CLSTN2: variants seen among roughly 807,000 people sequenced by gnomAD.
CLSTN2 encodes calsyntenin 2, also known as calsyntenin-2.
Under a neutral mutation model 101.2 loss-of-function variants are expected in CLSTN2, and 48 were observed. That is an observed-to-expected ratio of 0.47 (90% CI 0.38 to 0.60). The LOEUF is 0.60. CLSTN2 is among the 20% of genes least tolerant of loss of function. The pLI is 0.00. For synonymous variants in CLSTN2, 481 were observed against 463.6 expected (o/e 1.04, Z -0.48); for missense variants, 1,160 against 1,238.2 (o/e 0.94, Z 0.95).
At chr3:140,011,813 A>G (rs2007079997) in intron 1 of CLSTN2, among the ~76,000 whole-genome samples, 1 of 151,802 alleles carries the variant, frequency 6.6e-6, no homozygotes, top group Admixed American at 6.6e-5. Flanking sequence ...GGGGGATTGA[A>G]TTGCTGACAC....
chr3:140,013,868 T>C (rs2007140257), intron 1 of CLSTN2, among the ~76,000 whole-genome samples: 1 of 151,724 alleles, frequency 6.6e-6, no homozygotes, highest in Non-Finnish European at 1.5e-5. Context: ...TTAAGCCTTC[T>C]TTTAACTGAA....
At chr3:140,513,951 T>C (rs1482658169) in intron 8 of CLSTN2, among the ~76,000 whole-genome samples, 1 of 152,242 alleles carries the variant, frequency 6.6e-6, no homozygotes, top group East Asian at 1.9e-4. Flanking sequence ...ATTCCACTTA[T>C]CATTTCTGAT....
At chr3:140,365,451 A>C (rs933617285) in intron 2 of CLSTN2, among the ~76,000 whole-genome samples, 1 of 152,338 alleles carries the variant, frequency 6.6e-6, no homozygotes, top group East Asian at 1.9e-4. Context: ...AATGTGACTT[A>C]CGCAGAGTTT....
intron 1 of CLSTN2, among the ~76,000 whole-genome samples, chr3:140,169,706 T>C (rs1315110376): frequency 1.3e-5 from 2 of 152,218 alleles, no homozygotes; most frequent in Admixed American, 1.3e-4. Context: ...ACTTTTTTTC[T>C]CATTTTATCT....
chr3:140,239,009 C>A (rs2086438444), intron 2 of CLSTN2, among the ~76,000 whole-genome samples: 5 of 152,218 alleles, frequency 3.3e-5, no homozygotes, highest in Admixed American at 3.3e-4. Flanking sequence ...GAGGAAAATA[C>A]AAGTGACACA....
intron 1 of CLSTN2, among the ~76,000 whole-genome samples, chr3:140,050,072 T>A (rs1030448318): frequency 4.6e-5 from 7 of 152,210 alleles, no homozygotes; most frequent in Admixed American, 3.9e-4. Flanking sequence ...TCTCAGAGTA[T>A]CAAGGATTAC....
chr3:140,295,523 G>A (rs2086994529), intron 2 of CLSTN2, among the ~76,000 whole-genome samples: 1 of 152,028 alleles, frequency 6.6e-6, no homozygotes, highest in African/African-American at 2.4e-5. Context: ...TGATCCATCT[G>A]AAATTTATTT....
At chr3:140,334,278 A>G (rs1480984310) in intron 2 of CLSTN2, among the ~76,000 whole-genome samples, 1 of 152,218 alleles carries the variant, frequency 6.6e-6, no homozygotes, top group Non-Finnish European at 1.5e-5. Context: ...AAAGCTTTCT[A>G]GATAAGAAAA....
At chr3:140,473,675 C>T (rs1042911994) in intron 8 of CLSTN2, among the ~76,000 whole-genome samples, 5 of 152,014 alleles carry the variant, frequency 3.3e-5, no homozygotes, top group Admixed American at 1.3e-4. Flanking sequence ...CCATTTTAGT[C>T]CAGTGACATT....
In CLSTN2 at chr3:140,459,568, A is replaced by G. The variant is rs142253668; in HGVS notation, c.1021A>G (p.Thr341Ala). The G allele has an allele frequency of 1.4e-4, 218 of 1,613,962 alleles. 1 individual carries two copies. The highest frequency in any genetic ancestry group is 2.2e-5 in the Non-Finnish European group (26 of 1,179,990). The change falls in exon 7 of 17, where the codon ACC becomes GCC. Residue 341 changes from threonine to alanine, a missense_variant. Coordinates refer to ENST00000458420, the MANE Select transcript of CLSTN2 (RefSeq NM_022131.3). ...CCTCTTGCCATCCCCTAGCGCTGCC[A>G]CCAACTGGACTGCAGGACTGCTGGT... ...IDLLPSPSAA[T>A]NWTAGLLVDS...
At chr3:140,389,143 C>CTACTT (rs1322977558) in intron 2 of CLSTN2, among the ~76,000 whole-genome samples, 1 of 1,546 alleles carries the variant, frequency 6.5e-4, no homozygotes, top group African/African-American at 2.6e-3. Flanking sequence ...AATTTTCTTT[C>CTACTT]TACTTTAAGT....
At chr3:140,392,381 C>T (rs1484403799) in intron 2 of CLSTN2, among the ~76,000 whole-genome samples, 1 of 151,850 alleles carries the variant, frequency 6.6e-6, no homozygotes, top group Non-Finnish European at 1.5e-5. Context: ...GTATATTTTA[C>T]AGTCTAAGAC....
rs1306418972 is a variant in CLSTN2 at position 140,324,095 on chromosome 3, T to C, written c.233-79534T>C. On this transcript the variant is annotated intron_variant, in intron 2 of 16. Transcript: ENST00000458420. ...AAGGCTCAAGGGTAGGGACATGATA[T>C]TTTGTTGCCAGATCTCTTCTATACC... is the stretch of plus-strand genomic sequence containing the variant. Among the ~76,000 whole-genome samples the C allele has an allele frequency of 2.0e-5, 3 of 152,250 alleles. No homozygotes were observed. In the East Asian group the frequency reaches 5.8e-4, roughly 29 times the overall value.
At chr3:140,205,565 G>C (rs1409925336) in intron 2 of CLSTN2, among the ~76,000 whole-genome samples, 1 of 151,378 alleles carries the variant, frequency 6.6e-6, no homozygotes, top group Non-Finnish European at 1.5e-5. Context: ...GAAAGCCACA[G>C]AGGAGGTAAG....
intron 2 of CLSTN2, among the ~76,000 whole-genome samples, chr3:140,234,937 T>G (rs1460605607): frequency 6.6e-6 from 1 of 152,194 alleles, no homozygotes; most frequent in East Asian, 1.9e-4. Flanking sequence ...ACAGACACTA[T>G]GGCTACCGCC....
chr3:140,489,216 T>G (rs1576595160), intron 8 of CLSTN2, among the ~76,000 whole-genome samples: 1 of 151,918 alleles, frequency 6.6e-6, no homozygotes, highest in South Asian at 2.1e-4. Context: ...TGGGATGGGG[T>G]GCAGGGAAGG....
intron 2 of CLSTN2, among the ~76,000 whole-genome samples, chr3:140,196,586 C>T (rs2010646257): frequency 6.6e-6 from 1 of 152,188 alleles, no homozygotes; most frequent in South Asian, 2.1e-4. Flanking sequence ...ATGAGATAAT[C>T]ATTGCTGGCT....
chr3:140,346,006 CTG>C (rs1009479690), intron 2 of CLSTN2, among the ~76,000 whole-genome samples: 36 of 152,326 alleles, frequency 2.4e-4, no homozygotes, highest in Middle Eastern at 3.4e-3. Flanking sequence ...GCTTCCCATG[CTG>C]GGTCTCCATC....
At chr3:140,078,263 T>C (rs182597556) in intron 1 of CLSTN2, among the ~76,000 whole-genome samples, 16 of 152,312 alleles carry the variant, frequency 1.1e-4, no homozygotes, top group African/African-American at 3.8e-4. Context: ...GGGTAAAACA[T>C]TGAAGTACTG....
Sources: gnomAD v4.1 joint callset for allele counts (sites outside exome capture counted in the v4.1 genomes callset) on GRCh38, gnomAD v4.1.1 for gene constraint, MANE v1.5 for transcripts, NCBI Gene and HGNC (gene_info 2026-07-23, HGNC 2026-07-21) for gene names.